The following DOCK7 variants were observed in gnomAD, a reference collection of about 807,000 sequenced individuals.
DOCK7 encodes dedicator of cytokinesis 7, also known as dedicator of cytokinesis protein 7.
Under a neutral mutation model 271.0 loss-of-function variants are expected in DOCK7, and 138 were observed. The observed-to-expected ratio is 0.51, with a 90% confidence interval of 0.44 to 0.59. The LOEUF is 0.59. Among genes scored for constraint, DOCK7 ranks in the 20% least tolerant of loss-of-function variants. The probability of loss-of-function intolerance (pLI) is 0.00; values close to 1 mark genes in which losing one functional copy is unlikely to be tolerated. For synonymous variants in DOCK7, 823 were observed against 876.1 expected (o/e 0.94, Z 1.07); for missense variants, 2,066 against 2,592.4 (o/e 0.80, Z 4.41).
At chr1:62,633,383 T>C (rs1654864838) in intron 10 of DOCK7, 115 bp downstream of exon 10, 1 of 746,744 alleles carries the variant, frequency 1.3e-6, no homozygotes. Context: ...TAATATGCTT[T>C]GTTGCATATT....
At chr1:62,634,520 T>C (rs922899929) in intron 9 of DOCK7, 2 of 261,778 alleles carry the variant, frequency 7.6e-6, no homozygotes, top group Admixed American at 1.1e-4. Context: ...AATGTATTTA[T>C]AAACTACAAT....
In DOCK7 at chr1:62,459,931, A is replaced by G. The variant is rs377126578; in HGVS notation, c.6213-2226T>C. Reference sequence around the variant, plus strand: ...TGGCTAACAGTGAAACCCCATCTCTACTAAGAAAAAATACAAAAAATTAGC... The same window carrying G: ...TGGCTAACAGTGAAACCCCATCTCTGCTAAGAAAAAATACAAAAAATTAGC... On this transcript the variant is annotated intron_variant, in intron 48 of 49. Coordinates refer to ENST00000635253, the MANE Select transcript of DOCK7 (RefSeq NM_001367561.1). Among the ~76,000 whole-genome samples, 7 of 151,888 alleles carry G rather than the reference A, an allele frequency of 4.6e-5. No homozygotes were observed. In the South Asian group the frequency reaches 1.5e-3, roughly 32 times the overall value.
chr1:62,578,823 C>A lies in DOCK7; in HGVS notation c.2010+5G>T. On this transcript the variant is annotated splice_donor_5th_base_variant and intron_variant, in intron 17 of 49. Coordinates refer to ENST00000635253, the MANE Select transcript of DOCK7 (RefSeq NM_001367561.1). ...TGATCTAAATATTGAACCAAAAGGA[C>A]TCACTGTATATCCAACTGGTGTTTC... 6.4e-7 allele frequency: 1 copy of A among 1,570,850 alleles called. No homozygotes were observed. The highest frequency in any genetic ancestry group is 2.4e-5 in the East Asian group (1 of 42,282).
chr1:62,654,862 C>T (rs2149696635), intron 2 of DOCK7, among the ~76,000 whole-genome samples: 2 of 152,162 alleles, frequency 1.3e-5, no homozygotes, highest in Non-Finnish European at 2.9e-5. Context: ...TTTGAATATC[C>T]TGGCCTTGAA....
intron 35 of DOCK7, among the ~76,000 whole-genome samples, chr1:62,506,949 A>AAAATAAATAAATAAATAAATAAAT: frequency 7.2e-6 from 1 of 138,574 alleles, no homozygotes. Context: ...CTCCACCTCA[A>AAAATAAATAAATAAATAAATAAAT]AAATAAATAA....
At position 62,488,930 on chromosome 1, in the gene DOCK7, T is replaced by G. The variant is rs1227331119; in HGVS notation, c.5493+4A>C. On this transcript the variant is annotated splice_donor_region_variant and intron_variant, in intron 42 of 49. Coordinates refer to ENST00000635253, the MANE Select transcript of DOCK7 (RefSeq NM_001367561.1). ...ATAGTGAAGCTAGAAATTGGAATCA[T>G]TACCTGATGAACAATTTTGCTGAAT... 1.2e-6 allele frequency: 2 copies of G among 1,613,576 alleles called. No homozygotes were observed. The highest frequency in any genetic ancestry group is 1.7e-6 in the Non-Finnish European group (2 of 1,179,812).
Position 62,503,908 on chromosome 1 carries a change from G to A in DOCK7, c.4764+722C>T, listed in dbSNP as rs538804803. On this transcript the variant is annotated intron_variant, in intron 37 of 49. Coordinates refer to ENST00000635253, the MANE Select transcript of DOCK7 (RefSeq NM_001367561.1). The stretch of plus-strand genomic sequence containing the variant: ...TAAAAGTACAAAAAATTAGCTGGGC[G>A]TGGTGGCGGGCACCTGTAATCCCAG... 2.2e-4 allele frequency among the ~76,000 whole-genome samples: 34 copies of A among 152,102 alleles called. No homozygotes were observed. In the East Asian group the frequency reaches 4.7e-3, roughly 21 times the overall value.
At chr1:62,566,423 T>A (rs373349077) in intron 18 of DOCK7, among the ~76,000 whole-genome samples, 19 of 151,962 alleles carry the variant, frequency 1.3e-4, no homozygotes, top group Admixed American at 1.2e-3. Context: ...CTTTGACAAA[T>A]CTGACAAAAA....
chr1:62,519,669 G>C (rs139471502), intron 31 of DOCK7, among the ~76,000 whole-genome samples: 42 of 152,228 alleles, frequency 2.8e-4, no homozygotes, highest in Non-Finnish European at 5.6e-4. Flanking sequence ...TCCTAGAGGC[G>C]ATGAGAAGGG....
rs762197072 is a variant in DOCK7, at chr1:62,602,388, G to A, written c.1683-15764C>T. The A allele has an allele frequency of 6.2e-7, 1 of 1,606,088 alleles. No homozygotes were observed. Among genetic ancestry groups the A allele is most frequent in the East Asian group, 2.2e-5 (1 of 44,660 alleles). On this transcript the variant is annotated intron_variant, in intron 14 of 49. Coordinates refer to ENST00000635253, the MANE Select transcript of DOCK7 (RefSeq NM_001367561.1). Reference sequence around the variant, plus strand: ...GTTTTGGGAGGCTTGATGGTAAGGGGACTACATTCAATCATTCATTCACTT... The same window carrying A: ...GTTTTGGGAGGCTTGATGGTAAGGGAACTACATTCAATCATTCATTCACTT...
intron 14 of DOCK7, among the ~76,000 whole-genome samples, chr1:62,587,299 T>TAAAAAAAAAAAAAAAAAAAAAAAAAAA: frequency 2.4e-5 from 1 of 41,818 alleles, no homozygotes; most frequent in Non-Finnish European, 5.4e-5. Context: ...ACCAAATAGC[T>TAAAAAAAAAAAAAAAAAAAAAAAAAAA]AAAAAAAAAA....
chr1:62,519,640 A>C (rs1644784646), intron 31 of DOCK7, among the ~76,000 whole-genome samples: 1 of 152,106 alleles, frequency 6.6e-6, no homozygotes. Context: ...CAGAAGGGAG[A>C]ATGTAGTAGG....
chr1:62,638,623 ATTTTCATGAATATATATATT>A lies in DOCK7; in HGVS notation c.819-2040_819-2021del, dbSNP rs1655586100. ...AATATATATTTTTTCATGAATATAT[ATTTTCATGAATATATATATT>A]TTTTCATGAATATATATTTTCATGA... On this transcript the variant is annotated intron_variant, in intron 7 of 49. Coordinates refer to ENST00000635253, the MANE Select transcript of DOCK7 (RefSeq NM_001367561.1). Among the ~76,000 whole-genome samples the A allele has an allele frequency of 4.7e-5, 7 of 147,850 alleles. No individual in the cohort carries two copies. In the South Asian group the frequency reaches 8.5e-4, roughly 18 times the overall value.
rs148370997 is a variant in DOCK7 at position 62,543,792 on chromosome 1, AGTGGATGACTTT to A, written c.2860-59_2860-48del. 8.5e-3 allele frequency: 11,912 copies of A among 1,393,408 alleles called. 75 individuals carry two copies. The highest frequency in any genetic ancestry group is 0.011 in the Non-Finnish European group (10,744 of 999,306). 86.3% of individuals were successfully genotyped at this position (1,393,408 alleles called of 1,614,324 possible). A position where few individuals can be genotyped will look rare whatever the true frequency, so the allele number is the denominator to read the frequency against. ...ATGACGAGATAACATTAACGTTTGC[AGTGGATGACTTT>A]GCAGCTGATGGATTATGTACAAGTT... On this transcript the variant is annotated intron_variant, in intron 23 of 49. Transcript: ENST00000635253.
intron 18 of DOCK7, among the ~76,000 whole-genome samples, chr1:62,569,659 C>G (rs1012642813): frequency 6.6e-6 from 1 of 151,948 alleles, no homozygotes; most frequent in African/African-American, 2.4e-5. Context: ...TGAAAACATT[C>G]CCCTTGAAGA....
chr1:62,620,508 C>T (rs1047375522), intron 12 of DOCK7, among the ~76,000 whole-genome samples: 1 of 151,860 alleles, frequency 6.6e-6, no homozygotes, highest in Non-Finnish European at 1.5e-5. Flanking sequence ...TTTAATAATA[C>T]CACTGTCTTT....
intron 48 of DOCK7, among the ~76,000 whole-genome samples, chr1:62,461,293 A>G (rs897272832): frequency 1.6e-4 from 25 of 152,058 alleles, no homozygotes; most frequent in African/African-American, 5.8e-4. Flanking sequence ...AAATTATTAG[A>G]ATTAATAAGT....
intron 7 of DOCK7, among the ~76,000 whole-genome samples, chr1:62,638,036 T>C (rs1483367201): frequency 2.6e-5 from 4 of 152,220 alleles, no homozygotes; most frequent in Non-Finnish European, 5.9e-5. Flanking sequence ...ATTTTGATAC[T>C]GTCGGTCCAT....
intron 2 of DOCK7, among the ~76,000 whole-genome samples, chr1:62,657,577 AGATAAGT>A (rs980222835): frequency 1.3e-5 from 2 of 152,232 alleles, no homozygotes; most frequent in African/African-American, 4.8e-5. Context: ...GTTAATACCA[AGATAAGT>A]GATCTTAGCA....
Sources: allele counts gnomAD v4.1 joint callset (sites outside exome capture counted in the v4.1 genomes callset), GRCh38; gene constraint gnomAD v4.1.1; transcripts MANE v1.5; gene names NCBI Gene and HGNC (gene_info 2026-07-23, HGNC 2026-07-21).